Variants in ERICH3 observed in about 807,000 individuals in gnomAD.
The protein encoded by ERICH3 is glutamate rich 3, also known as glutamate-rich protein 3.
In ERICH3, 126 loss-of-function variants were observed where a neutral mutation model predicts 131.1. The ratio of observed to expected loss-of-function variants is 0.96; its 90% CI spans 0.83 to 1.11. The LOEUF (loss-of-function observed/expected upper bound fraction) is 1.11. Ranked by LOEUF, ERICH3 falls within the 50% of genes most tolerant of loss-of-function variation. ERICH3 has a pLI of 0.00. For missense variants in ERICH3, 2,050 were observed against 1,810.7 expected (o/e 1.13, Z -2.40); for synonymous variants, 695 against 644.6 (o/e 1.08, Z -1.18).
chr1:74,638,234 T>C (rs1646408754), intron 5 of ERICH3, among the ~76,000 whole-genome samples: 2 of 152,162 alleles, frequency 1.3e-5, no homozygotes, highest in South Asian at 2.1e-4. Context: ...AAATCTCTGA[T>C]TTTGTTAAGT....
At chr1:74,653,228 T>A (rs966145704) in intron 1 of ERICH3, among the ~76,000 whole-genome samples, 3 of 152,168 alleles carry the variant, frequency 2.0e-5, no homozygotes, top group African/African-American at 7.2e-5. Flanking sequence ...ATAGTTTTTT[T>A]AAATCACAAA....
intron 5 of ERICH3, 64 bp from the exon 6 acceptor site, chr1:74,636,502 A>G: frequency 1.4e-6 from 2 of 1,448,048 alleles, no homozygotes; most frequent in East Asian, 2.3e-5. Context: ...AGAACCAATT[A>G]ATAACCCAAT....
chr1:74,586,515 A>G, intron 12 of ERICH3: 2 of 981,968 alleles, frequency 2.0e-6, no homozygotes, highest in Non-Finnish European at 2.4e-6. Context: ...ATGTTTAAAC[A>G]TTTAAACCAA....
At chr1:74,619,022 A>G (rs1285020326) in intron 8 of ERICH3, among the ~76,000 whole-genome samples, 1 of 152,198 alleles carries the variant, frequency 6.6e-6, no homozygotes, top group East Asian at 1.9e-4. Flanking sequence ...CCAACTTTTC[A>G]ATTTTGAACA....
At chr1:74,651,994 G>A (rs1460208908) in intron 1 of ERICH3, among the ~76,000 whole-genome samples, 2 of 152,124 alleles carry the variant, frequency 1.3e-5, no homozygotes, top group African/African-American at 4.8e-5. Context: ...CAGTTGGGTT[G>A]AAACCTTTTT....
At chr1:74,634,855 G>A (rs899287719) in intron 6 of ERICH3, 2 of 559,546 alleles carry the variant, frequency 3.6e-6, no homozygotes, top group Non-Finnish European at 6.4e-6. Context: ...GGTGTATCAG[G>A]CCATATAGGC....
intron 8 of ERICH3, among the ~76,000 whole-genome samples, chr1:74,615,589 G>A (rs1453652044): frequency 1.3e-5 from 2 of 152,092 alleles, no homozygotes; most frequent in East Asian, 1.9e-4. Flanking sequence ...TTAAACAGGA[G>A]GGGCAAAATT....
chr1:74,637,231 C>T (rs1423346723), intron 5 of ERICH3, among the ~76,000 whole-genome samples: 1 of 152,062 alleles, frequency 6.6e-6, no homozygotes, highest in African/African-American at 2.4e-5. Flanking sequence ...CTCCTTGACT[C>T]ACCCTGCAGG....
intron 5 of ERICH3, among the ~76,000 whole-genome samples, chr1:74,640,936 T>C (rs1176016535): frequency 3.9e-5 from 6 of 152,066 alleles, no homozygotes; most frequent in Admixed American, 3.9e-4. Context: ...TTTGCTACAT[T>C]GAAGGGTGCT....
chr1:74,670,928 C>G (rs1337085473), intron 1 of ERICH3, among the ~76,000 whole-genome samples: 1 of 152,132 alleles, frequency 6.6e-6, no homozygotes, highest in Admixed American at 6.5e-5. Context: ...GGTCTATAAA[C>G]AGCTGCTCTG....
chr1:74,669,484 A>G (rs1376829336), intron 1 of ERICH3, among the ~76,000 whole-genome samples: 1 of 152,172 alleles, frequency 6.6e-6, no homozygotes, highest in Non-Finnish European at 1.5e-5. Context: ...ATATAAAACC[A>G]CCATTCCACC....
Position 74,589,779 on chromosome 1 carries a change from T to C in ERICH3, c.2028A>G (p.Gly676=). The change falls in exon 12 of 15, where the codon GGA becomes GGG. Residue 676 remains glycine (G), a synonymous_variant. Transcript: ENST00000326665. The part of the protein sequence containing the change: ...ENVLKEGTEK[G]TQEIAEGLSE... ...ATAAACCCTCTGCAATCTCTTGGGT[T>C]CCTTTCTCCGTTCCTTCTTTAAGAA... 6.2e-7 allele frequency: 1 copy of C among 1,614,120 alleles called. No individual in the cohort carries two copies. The highest frequency in any genetic ancestry group is 8.5e-7 in the Non-Finnish European group (1 of 1,179,966).
At chr1:74,633,058 TA>T (rs1646355838) in intron 6 of ERICH3, among the ~76,000 whole-genome samples, 1 of 151,856 alleles carries the variant, frequency 6.6e-6, no homozygotes, top group South Asian at 2.1e-4. Context: ...AATATAAATT[TA>T]TATTGTACTT....
intron 9 of ERICH3, among the ~76,000 whole-genome samples, chr1:74,609,802 A>G (rs1418854535): frequency 6.6e-6 from 1 of 152,114 alleles, no homozygotes; most frequent in African/African-American, 2.4e-5. Flanking sequence ...CATAGGCCTT[A>G]TTCTTTAATA....
At chr1:74,669,458 C>T (rs12029361) in intron 1 of ERICH3, among the ~76,000 whole-genome samples, 34,413 of 152,072 alleles carry the variant, frequency 0.23, 4,116 homozygotes, top group Middle Eastern at 0.33. Flanking sequence ...ATTTTATCCT[C>T]ATGCATGACT....
At chr1:74,599,558 G>T (rs997527064) in intron 11 of ERICH3, 137 bp downstream of exon 11, 2 of 758,042 alleles carry the variant, frequency 2.6e-6, no homozygotes, top group Non-Finnish European at 4.3e-6. Flanking sequence ...ACCTTCACAT[G>T]TACCCCTTAT....
intron 12 of ERICH3, chr1:74,579,721 T>C (rs1458950959): frequency 2.0e-6 from 2 of 985,396 alleles, no homozygotes; most frequent in Non-Finnish European, 2.4e-6. Flanking sequence ...GGACTGTGCA[T>C]GCTGAGACTC....
rs997518410 is a variant in ERICH3, at chr1:74,589,212, T to C, written c.2176+419A>G. On this transcript the variant is annotated intron_variant, in intron 12 of 14. Coordinates refer to ENST00000326665, the MANE Select transcript of ERICH3 (RefSeq NM_001002912.5). Reference sequence around the variant, plus strand: ...TAATATATCTAAGTGTTTAGAACCATGCCTGGAACGTAGTAAGCACCTATT... The same window carrying C: ...TAATATATCTAAGTGTTTAGAACCACGCCTGGAACGTAGTAAGCACCTATT... The C allele has an allele frequency of 3.8e-5, 8 of 211,114 alleles. No individual in the cohort carries two copies. The Admixed American group carries it at 4.1e-4, about 11-fold the overall frequency. 13.1% of individuals were successfully genotyped at this position (211,114 alleles called of 1,614,324 possible).
chr1:74,613,946 C>T (rs1008532843), intron 8 of ERICH3, among the ~76,000 whole-genome samples: 1 of 152,322 alleles, frequency 6.6e-6, no homozygotes, highest in South Asian at 2.1e-4. Context: ...CACCTCTCTA[C>T]TATGTACGCA....
Sources: allele counts gnomAD v4.1 joint callset (sites outside exome capture counted in the v4.1 genomes callset), GRCh38; gene constraint gnomAD v4.1.1; transcripts MANE v1.5; gene names NCBI Gene and HGNC (gene_info 2026-07-23, HGNC 2026-07-21).